Variants in CCSER1 observed in about 807,000 individuals in gnomAD.
The protein encoded by CCSER1 is coiled-coil serine rich protein 1, also known as serine-rich coiled-coil domain-containing protein 1.
In CCSER1, 41 loss-of-function variants were observed where a neutral mutation model predicts 82.0. That is an observed-to-expected ratio of 0.50 (90% CI 0.39 to 0.65). The LOEUF (loss-of-function observed/expected upper bound fraction) is 0.65, where lower values mean the gene tolerates loss of function less well. Ranked by LOEUF, CCSER1 falls within the 30% of genes least tolerant of loss-of-function variation. The pLI is 0.00. For synonymous variants in CCSER1, 414 were observed against 383.9 expected (o/e 1.08, Z -0.92); for missense variants, 1,119 against 1,064.2 (o/e 1.05, Z -0.72).
chr4:91,172,321 G>A (rs1394628047), intron 10 of CCSER1, among the ~76,000 whole-genome samples: 1 of 152,170 alleles, frequency 6.6e-6, no homozygotes, highest in Non-Finnish European at 1.5e-5. Context: ...GAAAAAAGGA[G>A]AGCTTAATAA....
At chr4:91,430,736 C>A (rs1020105584) in intron 10 of CCSER1, among the ~76,000 whole-genome samples, 5 of 152,192 alleles carry the variant, frequency 3.3e-5, no homozygotes, top group African/African-American at 1.2e-4. Flanking sequence ...CTACATATTT[C>A]TTTTCCTACT....
chr4:91,037,914 G>T (rs2150570793), intron 9 of CCSER1, among the ~76,000 whole-genome samples: 1 of 152,032 alleles, frequency 6.6e-6, no homozygotes, highest in East Asian at 1.9e-4. Flanking sequence ...CATATCTCTG[G>T]ATAGTAAAAA....
chr4:91,563,391 A>C (rs1762745261), intron 10 of CCSER1, among the ~76,000 whole-genome samples: 1 of 151,816 alleles, frequency 6.6e-6, no homozygotes, highest in Admixed American at 6.6e-5. Flanking sequence ...AATAAATGTA[A>C]TCTACCCCAT....
At chr4:90,790,494 T>G (rs1276265995) in intron 7 of CCSER1, among the ~76,000 whole-genome samples, 1 of 152,134 alleles carries the variant, frequency 6.6e-6, no homozygotes, top group Non-Finnish European at 1.5e-5. Context: ...TAGAAAATAC[T>G]TGGCTTTCTT....
At chr4:90,578,324 A>C (rs527673689) in intron 5 of CCSER1, among the ~76,000 whole-genome samples, 1 of 152,264 alleles carries the variant, frequency 6.6e-6, no homozygotes, top group South Asian at 2.1e-4. Flanking sequence ...TTCTTTCTGC[A>C]AGCTTTAGGG....
rs879806083 is a variant in CCSER1 at position 90,974,510 on chromosome 4, C to T, written c.2172+51063C>T. On this transcript the variant is annotated intron_variant, in intron 9 of 10. Transcript: ENST00000509176. ...AAATACAGCCTCCAGAATGGAAGAA[C>T]ATATTTGTAAATCATGTGTTTGATA... 6.1e-5 allele frequency among the ~76,000 whole-genome samples: 9 copies of T among 147,972 alleles called. 1 individual carries two copies. Among genetic ancestry groups the T allele is most frequent in the African/African-American group, 1.7e-4 (7 of 40,376 alleles).
At chr4:90,621,160 T>G (rs755968470) in intron 5 of CCSER1, among the ~76,000 whole-genome samples, 4 of 152,104 alleles carry the variant, frequency 2.6e-5, no homozygotes, top group Non-Finnish European at 5.9e-5. Flanking sequence ...TTTTGTGGGA[T>G]ACACCAATCA....
At chr4:90,548,694 A>G (rs947644120) in intron 5 of CCSER1, among the ~76,000 whole-genome samples, 1 of 151,538 alleles carries the variant, frequency 6.6e-6, no homozygotes, top group African/African-American at 2.4e-5. Flanking sequence ...GTTAGTTACA[A>G]TAACATCTTA....
intron 8 of CCSER1, among the ~76,000 whole-genome samples, chr4:90,852,091 A>G (rs1406288110): frequency 6.6e-6 from 1 of 150,790 alleles, no homozygotes; most frequent in Non-Finnish European, 1.5e-5. Flanking sequence ...CAGCATTAGC[A>G]AGTACATAAT....
chr4:90,987,522 T>C (rs1360457845), intron 9 of CCSER1, among the ~76,000 whole-genome samples: 1 of 151,688 alleles, frequency 6.6e-6, no homozygotes, highest in Admixed American at 6.6e-5. Flanking sequence ...GATTTTCAAA[T>C]GTTGCCCAGT....
chr4:90,947,834 A>G (rs1732441820), intron 9 of CCSER1, among the ~76,000 whole-genome samples: 1 of 152,136 alleles, frequency 6.6e-6, no homozygotes, highest in African/African-American at 2.4e-5. Flanking sequence ...CCCAAACAAT[A>G]TGCTTTGCTT....
At chr4:91,261,730 AAC>A in intron 10 of CCSER1, among the ~76,000 whole-genome samples, 1 of 32,954 alleles carries the variant, frequency 3.0e-5, no homozygotes, top group Non-Finnish European at 5.5e-5. Flanking sequence ...CTCAAATGAA[AAC>A]AACAACAGTG....
chr4:91,164,037 C>G (rs1430987284), intron 10 of CCSER1, among the ~76,000 whole-genome samples: 1 of 152,140 alleles, frequency 6.6e-6, no homozygotes, highest in Non-Finnish European at 1.5e-5. Context: ...ATGGCCTTTA[C>G]CTTTTGGCAT....
chr4:91,297,590 A>G (rs115436735), intron 10 of CCSER1, among the ~76,000 whole-genome samples: 3,843 of 152,060 alleles, frequency 0.025, 167 homozygotes, highest in African/African-American at 0.087. Context: ...ATGGGCATGG[A>G]AGACTGAATG....
In CCSER1 at chr4:90,932,946, G is replaced by GA. The variant is rs1183305471; in HGVS notation, c.2172+9502dup. The stretch of plus-strand genomic sequence containing the variant: ...AGAAAGAAAGAAAGAAAGAAAGAAA[G>GA]AAAGAAAGAAAGAAAGAAAGAAAGA... On this transcript the variant is annotated intron_variant, in intron 9 of 10. Transcript: ENST00000509176. Among the ~76,000 whole-genome samples the GA allele has an allele frequency of 2.6e-4, 8 of 31,020 alleles. 3 individuals carry two copies. Among genetic ancestry groups the GA allele is most frequent in the African/African-American group, 1.9e-3 (8 of 4,242 alleles). The allele number at this position is 31,020 out of a possible 152,430, so 20.4% of individuals were successfully genotyped here. A position where few individuals can be genotyped will look rare whatever the true frequency, so the allele number is the denominator to read the frequency against.
intron 10 of CCSER1, among the ~76,000 whole-genome samples, chr4:91,221,540 G>T (rs1560525826): frequency 6.8e-6 from 1 of 147,654 alleles, no homozygotes; most frequent in Non-Finnish European, 1.5e-5. Context: ...TATTTTCAAT[G>T]GAATGAATAA....
intron 9 of CCSER1, among the ~76,000 whole-genome samples, chr4:91,067,532 G>T (rs531715509): frequency 3.0e-4 from 45 of 151,932 alleles, no homozygotes; most frequent in African/African-American, 1.1e-3. Flanking sequence ...TTTTGCAGAG[G>T]CTGAGTCTCA....
chr4:91,267,712 G>A (rs1741711510), intron 10 of CCSER1, among the ~76,000 whole-genome samples: 1 of 152,158 alleles, frequency 6.6e-6, no homozygotes, highest in African/African-American at 2.4e-5. Flanking sequence ...TAAAAGAAAA[G>A]GGCTTGGGGC....
At chr4:91,049,184 T>C (rs1025077925) in intron 9 of CCSER1, among the ~76,000 whole-genome samples, 4 of 152,176 alleles carry the variant, frequency 2.6e-5, no homozygotes, top group Non-Finnish European at 5.9e-5. Flanking sequence ...TGAAGATATG[T>C]TTTGTTTATT....
Sources: gnomAD v4.1 joint callset for allele counts (sites outside exome capture counted in the v4.1 genomes callset) on GRCh38, gnomAD v4.1.1 for gene constraint, MANE v1.5 for transcripts, NCBI Gene and HGNC (gene_info 2026-07-23, HGNC 2026-07-21) for gene names.